The following KLF8 variants were observed in gnomAD, a reference collection of about 807,000 sequenced individuals.
KLF8 encodes the protein KLF transcription factor 8.
In KLF8, 10 loss-of-function variants were observed where a neutral mutation model predicts 18.2. That is an observed-to-expected ratio of 0.55 (90% CI 0.34 to 0.93). The LOEUF (loss-of-function observed/expected upper bound fraction) is 0.93, where lower values mean the gene tolerates loss of function less well. Ranked by LOEUF, KLF8 falls within the 40% of genes least tolerant of loss-of-function variation. The probability of loss-of-function intolerance (pLI) is 0.02; values close to 1 mark genes in which losing one functional copy is unlikely to be tolerated. For missense variants in KLF8, 264 were observed against 277.9 expected (o/e 0.95, Z 0.36); for synonymous variants, 109 against 97.3 (o/e 1.12, Z -0.71).
At chrX:56,164,109 A>ATTTTTTT in the KLF8 span, among the ~76,000 whole-genome samples, 10 of 107,839 alleles carry the variant, frequency 9.3e-5, no homozygotes, top group South Asian at 3.9e-4. Flanking sequence ...TTTATTTTTT[A>ATTTTTTT]TTTTTTTTTT....
At chrX:56,028,337 C>T in the KLF8 span, among the ~76,000 whole-genome samples, 1 of 111,998 alleles carries the variant, frequency 8.9e-6, no homozygotes, top group East Asian at 2.8e-4. Context: ...GCAAAACCCA[C>T]AGCTCCTAGA....
the KLF8 span, among the ~76,000 whole-genome samples, chrX:55,944,952 T>C: frequency 9.0e-6 from 1 of 111,525 alleles, no homozygotes; most frequent in African/African-American, 3.3e-5. Flanking sequence ...TTTCCTGCTT[T>C]CTCTTGTGGG....
chrX:56,054,425 A>AT, the KLF8 span, among the ~76,000 whole-genome samples: 1 of 111,043 alleles, frequency 9.0e-6, no homozygotes, highest in Non-Finnish European at 1.9e-5. Flanking sequence ...CTGGTTTATT[A>AT]TTTTTTTGTG....
chrX:56,271,071 T>C (rs2067051585), intron 5 of KLF8, among the ~76,000 whole-genome samples: 1 of 112,296 alleles, frequency 8.9e-6, no homozygotes, highest in Non-Finnish European at 1.9e-5. Flanking sequence ...ATTTACATGG[T>C]ATTAGGTAAC....
At chrX:55,969,492 G>GA in the KLF8 span, among the ~76,000 whole-genome samples, 10 of 111,214 alleles carry the variant, frequency 9.0e-5, no homozygotes, top group Admixed American at 8.6e-4. Flanking sequence ...GCCACTATGT[G>GA]AAAAAAAGAA....
In KLF8 at chrX:56,265,439, A is replaced by C. The variant is rs1239437887; in HGVS notation, c.341A>C (p.Gln114Pro). The C allele has an allele frequency of 8.3e-7, 1 of 1,209,969 alleles. No homozygotes were observed. The highest frequency in any genetic ancestry group is 1.1e-6 in the Non-Finnish European group (1 of 895,196). ...LQAPIRPPKP[Q>P]SSPQTLVVST... is the part of the protein sequence containing the mutation. ...GCTCCAATACGTCCCCCCAAGCCAC[A>C]GTCTTCTCCCCAGACCCTTGTGGTG... is the stretch of plus-strand genomic sequence containing the variant. The change falls in exon 3 of 6, where the codon CAG becomes CCG. Residue 114 changes from glutamine to proline, a missense_variant. Gln to Pro is a moderately conservative substitution (Grantham distance 76, BLOSUM62 -1). Coordinates refer to ENST00000468660, the MANE Select transcript of KLF8 (RefSeq NM_007250.5).
At chrX:56,000,897 A>G in the KLF8 span, among the ~76,000 whole-genome samples, 2 of 111,686 alleles carry the variant, frequency 1.8e-5, no homozygotes, top group African/African-American at 3.3e-5. Context: ...CTTTGGTTGC[A>G]AGCCACTGAA....
At chrX:55,929,795 G>A in the KLF8 span, among the ~76,000 whole-genome samples, 10 of 108,815 alleles carry the variant, frequency 9.2e-5, no homozygotes, top group African/African-American at 3.4e-4. Flanking sequence ...TTGAAGTCAG[G>A]TAGCATGATG....
At chrX:56,047,722 A>G in the KLF8 span, among the ~76,000 whole-genome samples, 1 of 111,258 alleles carries the variant, frequency 9.0e-6, no homozygotes, top group Non-Finnish European at 1.9e-5. Context: ...GCCGCAGTAA[A>G]CATACGTGTG....
chrX:56,066,385 A>C, the KLF8 span, among the ~76,000 whole-genome samples: 3 of 112,211 alleles, frequency 2.7e-5, no homozygotes, highest in East Asian at 5.7e-4. Context: ...TCAGTGGTTC[A>C]TGTGAGCACC....
At chrX:56,131,827 G>T in the KLF8 span, among the ~76,000 whole-genome samples, 1 of 111,727 alleles carries the variant, frequency 9.0e-6, no homozygotes, top group African/African-American at 3.3e-5. Flanking sequence ...AAGCAAGCAG[G>T]ATTAGCTATT....
the KLF8 span, among the ~76,000 whole-genome samples, chrX:55,937,976 C>T: frequency 9.0e-6 from 1 of 111,623 alleles, no homozygotes; most frequent in African/African-American, 3.3e-5. Context: ...GAGAACTTCC[C>T]CAATCTAGCA....
chrX:56,065,275 C>T, the KLF8 span, among the ~76,000 whole-genome samples: 12 of 111,142 alleles, frequency 1.1e-4, no homozygotes, highest in Non-Finnish European at 2.1e-4. Flanking sequence ...TTTCCTTATT[C>T]TTTTTAATTT....
the KLF8 span, among the ~76,000 whole-genome samples, chrX:55,971,041 T>C: frequency 1.8e-5 from 2 of 111,306 alleles, no homozygotes; most frequent in South Asian, 7.5e-4. Flanking sequence ...AATGACATTC[T>C]TTACAAAAAT....
chrX:56,274,570 G>A (rs1025536915), intron 5 of KLF8, among the ~76,000 whole-genome samples: 1 of 111,778 alleles, frequency 8.9e-6, no homozygotes, highest in African/African-American at 3.2e-5. Context: ...GTGGGGTATT[G>A]CTCAACAAAT....
chrX:56,065,276 T>G, the KLF8 span, among the ~76,000 whole-genome samples: 9,913 of 111,466 alleles, frequency 0.089, 1,096 homozygotes, highest in African/African-American at 0.31. Context: ...TTCCTTATTC[T>G]TTTTAATTTT....
At chrX:55,943,586 T>C in the KLF8 span, among the ~76,000 whole-genome samples, 1 of 111,293 alleles carries the variant, frequency 9.0e-6, no homozygotes, top group Non-Finnish European at 1.9e-5. Flanking sequence ...TGATAGCTCT[T>C]GGTAAGGTAG....
upstream of KLF8, among the ~76,000 whole-genome samples, chrX:56,229,100 G>A (rs1017224477): frequency 9.1e-6 from 1 of 110,356 alleles, no homozygotes; most frequent in African/African-American, 3.3e-5. Flanking sequence ...TGGGAGCAGA[G>A]AGGGTGGAGT....
chrX:56,280,902 G>A (rs2067192512), intron 5 of KLF8, among the ~76,000 whole-genome samples: 1 of 111,899 alleles, frequency 8.9e-6, no homozygotes, highest in South Asian at 3.7e-4. Flanking sequence ...TTATATGCCA[G>A]ACAAATAGAT....
Sources: gnomAD v4.1 joint callset for allele counts (sites outside exome capture counted in the v4.1 genomes callset) on GRCh38, gnomAD v4.1.1 for gene constraint, MANE v1.5 for transcripts, NCBI Gene and HGNC (gene_info 2026-07-23, HGNC 2026-07-21) for gene names.